CDH12: variants seen among roughly 807,000 people sequenced by gnomAD.
The protein encoded by CDH12 is cadherin 12, also known as cadherin-12.
Under a neutral mutation model 74.1 loss-of-function variants are expected in CDH12, and 41 were observed. The observed-to-expected ratio is 0.55, with a 90% CI of 0.43 to 0.72. CDH12 has a LOEUF of 0.72. Ranked by LOEUF, CDH12 falls within the 30% of genes least tolerant of loss-of-function variation. The probability of loss-of-function intolerance (pLI) is 0.00; values close to 1 mark genes in which losing one functional copy is unlikely to be tolerated. For missense variants in CDH12, 945 were observed against 977.2 expected, an observed-to-expected ratio of 0.97 and a Z score of 0.44; for synonymous variants, 399 against 355.0, an observed-to-expected ratio of 1.12 and a Z score of -1.39.
At chr5:22,210,946 T>G (rs1025897506) in intron 4 of CDH12, among the ~76,000 whole-genome samples, 1 of 152,182 alleles carries the variant, frequency 6.6e-6, no homozygotes, top group Non-Finnish European at 1.5e-5. Flanking sequence ...GGAAAAGAGA[T>G]AGAAGTCTCA....
chr5:22,167,741 ATTTTC>A (rs1378218410), intron 4 of CDH12, among the ~76,000 whole-genome samples: 1 of 151,992 alleles, frequency 6.6e-6, no homozygotes, highest in Non-Finnish European at 1.5e-5. Context: ...AGATTTGGCT[ATTTTC>A]TTTTACGATG....
Position 22,086,343 on chromosome 5 carries a change from A to T in CDH12, c.-186-7481T>A, listed in dbSNP as rs1003630638. ...TATTTATATATTTATTTATTTATTT[A>T]TTTTTTATTATTATTTTTTGAGACG... is the stretch of plus-strand genomic sequence containing the variant. On this transcript the variant is annotated intron_variant, in intron 4 of 14. Coordinates refer to ENST00000382254, the MANE Select transcript of CDH12 (RefSeq NM_004061.5). Among the ~76,000 whole-genome samples the T allele has an allele frequency of 1.6e-4, 25 of 151,520 alleles. 1 individual carries two copies. The highest frequency in any genetic ancestry group is 3.4e-4 in the African/African-American group (14 of 41,402).
intron 3 of CDH12, among the ~76,000 whole-genome samples, chr5:22,333,709 C>T (rs571060895): frequency 1.7e-4 from 26 of 152,158 alleles, no homozygotes; most frequent in African/African-American, 6.0e-4. Context: ...GTATTTTTAA[C>T]GAATATTGAT....
At chr5:22,220,236 A>T (rs779890536) in intron 3 of CDH12, among the ~76,000 whole-genome samples, 1 of 151,792 alleles carries the variant, frequency 6.6e-6, no homozygotes, top group African/African-American at 2.4e-5. Context: ...GTGTGCATGT[A>T]CATAAATTGC....
chr5:21,940,263 T>C (rs1159022935), intron 6 of CDH12, among the ~76,000 whole-genome samples: 9 of 152,176 alleles, frequency 5.9e-5, no homozygotes, highest in Middle Eastern at 3.4e-3. Flanking sequence ...AATATGATGA[T>C]ATGATTTACT....
intron 3 of CDH12, among the ~76,000 whole-genome samples, chr5:22,342,426 C>A (rs1561327989): frequency 6.6e-6 from 1 of 152,110 alleles, no homozygotes; most frequent in Non-Finnish European, 1.5e-5. Flanking sequence ...AGGGCTTGAA[C>A]AAGCCCCGCA....
Position 22,617,860 on chromosome 5 carries a change from C to T in CDH12, c.-522-112496G>A, listed in dbSNP as rs568572357. On this transcript the variant is annotated intron_variant, in intron 1 of 14. Transcript: ENST00000382254. ...TCTGCTGCCCAATGGTATGATTTTA[C>T]ACCCACAGGAAATCCATCTTATTAT... Among the ~76,000 whole-genome samples the T allele has an allele frequency of 3.0e-4, 46 of 152,216 alleles. No individual in the cohort carries two copies. In the South Asian group the frequency reaches 5.0e-3, roughly 16 times the overall value.
intron 6 of CDH12, among the ~76,000 whole-genome samples, chr5:21,941,286 A>C (rs1485856184): frequency 6.6e-6 from 1 of 152,186 alleles, no homozygotes; most frequent in Non-Finnish European, 1.5e-5. Flanking sequence ...TCTAAACATC[A>C]AAAACAAATT....
intron 1 of CDH12, among the ~76,000 whole-genome samples, chr5:22,614,852 T>C (rs906456075): frequency 6.6e-6 from 1 of 152,068 alleles, no homozygotes; most frequent in African/African-American, 2.4e-5. Context: ...ATTTCACAGA[T>C]AGACCATTCA....
chr5:22,276,711 G>A (rs1262423259), intron 3 of CDH12, among the ~76,000 whole-genome samples: 1 of 151,972 alleles, frequency 6.6e-6, no homozygotes, highest in Non-Finnish European at 1.5e-5. Flanking sequence ...TTTTGAGATG[G>A]TGTCTCATTC....
chr5:22,365,319 T>C (rs909425827), intron 3 of CDH12, among the ~76,000 whole-genome samples: 2 of 152,198 alleles, frequency 1.3e-5, no homozygotes, highest in African/African-American at 4.8e-5. Flanking sequence ...GCTACTGTTC[T>C]AGTAAAATCA....
At chr5:22,249,799 G>T (rs1753075703) in intron 3 of CDH12, among the ~76,000 whole-genome samples, 1 of 152,106 alleles carries the variant, frequency 6.6e-6, no homozygotes, top group African/African-American at 2.4e-5. Context: ...ATCTCTCTCT[G>T]TCATTTTTAT....
At chr5:22,294,403 C>T (rs1462816365) in intron 3 of CDH12, among the ~76,000 whole-genome samples, 2 of 152,130 alleles carry the variant, frequency 1.3e-5, no homozygotes, top group African/African-American at 4.8e-5. Context: ...AACTGTTACC[C>T]CCCAGACACA....
intron 5 of CDH12, among the ~76,000 whole-genome samples, chr5:22,037,817 GA>G (rs2150180112): frequency 6.6e-6 from 1 of 152,226 alleles, no homozygotes; most frequent in South Asian, 2.1e-4. Flanking sequence ...AGAGTAACAG[GA>G]ACCCCAGTGA....
chr5:22,381,563 T>C (rs1201840390), intron 3 of CDH12, among the ~76,000 whole-genome samples: 3 of 152,018 alleles, frequency 2.0e-5, no homozygotes, highest in Admixed American at 6.6e-5. Flanking sequence ...ATTGAGTCTC[T>C]TACTATTCAG....
intron 12 of CDH12, among the ~76,000 whole-genome samples, chr5:21,761,278 T>C (rs1187948441): frequency 1.3e-5 from 2 of 152,180 alleles, no homozygotes; most frequent in African/African-American, 4.8e-5. Context: ...CCATACGTTG[T>C]GTATCTTACA....
chr5:22,215,921 C>A (rs1229848447), intron 3 of CDH12, among the ~76,000 whole-genome samples: 1 of 152,032 alleles, frequency 6.6e-6, no homozygotes, highest in Non-Finnish European at 1.5e-5. Context: ...CAAACTAATG[C>A]AACATTTAAA....
intron 3 of CDH12, among the ~76,000 whole-genome samples, chr5:22,213,401 A>G (rs1344284500): frequency 1.3e-5 from 2 of 151,824 alleles, no homozygotes; most frequent in African/African-American, 4.8e-5. Flanking sequence ...ACCCTTAACC[A>G]GAGTAATGTA....
chr5:21,770,618 C>CA (rs33944200), intron 11 of CDH12, among the ~76,000 whole-genome samples: 3,973 of 83,750 alleles, frequency 0.047, 152 homozygotes, highest in African/African-American at 0.13. Context: ...AAGTCCATCT[C>CA]AAAAAAAAAA....
Sources: allele counts gnomAD v4.1 joint callset (sites outside exome capture counted in the v4.1 genomes callset), GRCh38; gene constraint gnomAD v4.1.1; transcripts MANE v1.5; gene names NCBI Gene and HGNC (gene_info 2026-07-23, HGNC 2026-07-21).